Variants in CLSTN2 observed in about 807,000 individuals in gnomAD.
CLSTN2 encodes calsyntenin 2.
Under a neutral mutation model 101.2 loss-of-function variants are expected in CLSTN2, and 48 were observed. The observed-to-expected ratio is 0.47, with a 90% CI of 0.38 to 0.60. The LOEUF (loss-of-function observed/expected upper bound fraction) is 0.60. Ranked by LOEUF, CLSTN2 falls within the 20% of genes least tolerant of loss-of-function variation. CLSTN2 has a pLI of 0.00. For synonymous variants in CLSTN2, 481 were observed against 463.6 expected, an observed-to-expected ratio of 1.04 and a Z score of -0.48; for missense variants, 1,160 against 1,238.2, an observed-to-expected ratio of 0.94 and a Z score of 0.95.
At chr3:140,155,243 T>C (rs1458995023) in intron 1 of CLSTN2, among the ~76,000 whole-genome samples, 1 of 152,166 alleles carries the variant, frequency 6.6e-6, no homozygotes, top group African/African-American at 2.4e-5. Context: ...GGGAATGGAA[T>C]GTTGGCAGGT....
At chr3:140,114,246 C>A (rs1447012440) in intron 1 of CLSTN2, among the ~76,000 whole-genome samples, 1 of 152,144 alleles carries the variant, frequency 6.6e-6, no homozygotes, top group African/African-American at 2.4e-5. Flanking sequence ...TCATCATTCC[C>A]AGAATTTGTT....
At chr3:140,053,281 C>T (rs531261922) in intron 1 of CLSTN2, among the ~76,000 whole-genome samples, 1 of 152,324 alleles carries the variant, frequency 6.6e-6, no homozygotes, top group Non-Finnish European at 1.5e-5. Context: ...GCCCCTTCAG[C>T]CACCACCAGC....
chr3:140,489,286 C>T (rs1576595212), intron 8 of CLSTN2, among the ~76,000 whole-genome samples: 1 of 152,278 alleles, frequency 6.6e-6, no homozygotes, highest in Admixed American at 6.5e-5. Flanking sequence ...TAAGGATGCT[C>T]ACTCCATAAT....
intron 2 of CLSTN2, among the ~76,000 whole-genome samples, chr3:140,342,710 TA>T (rs149454017): frequency 0.015 from 2,287 of 152,248 alleles, 48 homozygotes; most frequent in African/African-American, 0.052. Flanking sequence ...ACACAAAGGC[TA>T]GGGGTAACCT....
At chr3:140,526,660 G>T (rs549952950) in intron 8 of CLSTN2, among the ~76,000 whole-genome samples, 1 of 149,260 alleles carries the variant, frequency 6.7e-6, no homozygotes, top group Non-Finnish European at 1.5e-5. Flanking sequence ...AAAACTGGAG[G>T]CATCACATTA....
intron 1 of CLSTN2, among the ~76,000 whole-genome samples, chr3:140,009,321 T>A (rs1002358308): frequency 6.6e-5 from 10 of 152,312 alleles, no homozygotes; most frequent in African/African-American, 1.4e-4. Flanking sequence ...TTTATTCCTG[T>A]TTATTGTGCA....
At chr3:140,070,653 T>C (rs1046862444) in intron 1 of CLSTN2, among the ~76,000 whole-genome samples, 1 of 152,198 alleles carries the variant, frequency 6.6e-6, no homozygotes, top group Non-Finnish European at 1.5e-5. Flanking sequence ...AACTATTACA[T>C]TGTAAGCAAT....
intron 9 of CLSTN2, among the ~76,000 whole-genome samples, chr3:140,535,097 A>G (rs1346579055): frequency 6.6e-6 from 1 of 152,212 alleles, no homozygotes; most frequent in Non-Finnish European, 1.5e-5. Flanking sequence ...TGCAACCACC[A>G]TGCCCTCCCC....
chr3:140,201,793 C>T (rs367912820), intron 2 of CLSTN2, among the ~76,000 whole-genome samples: 15 of 151,408 alleles, frequency 9.9e-5, no homozygotes, highest in East Asian at 3.9e-4. Context: ...ATTATATGCA[C>T]GCACACACAC....
chr3:140,511,792 C>G (rs958106136), intron 8 of CLSTN2, among the ~76,000 whole-genome samples: 63 of 151,232 alleles, frequency 4.2e-4, no homozygotes, highest in African/African-American at 1.5e-3. Context: ...CTCCTGACCT[C>G]GTGATCCGCC....
At chr3:140,339,766 A>G (rs933437677) in intron 2 of CLSTN2, among the ~76,000 whole-genome samples, 1 of 152,230 alleles carries the variant, frequency 6.6e-6, no homozygotes, top group African/African-American at 2.4e-5. Flanking sequence ...TACACATGAC[A>G]TGGTTAATGA....
At chr3:140,458,596 A>G (rs987867984) in intron 6 of CLSTN2, among the ~76,000 whole-genome samples, 14 of 152,094 alleles carry the variant, frequency 9.2e-5, no homozygotes, top group Non-Finnish European at 1.9e-4. Context: ...CCCCTCCACA[A>G]AGTTGGTGAT....
At chr3:140,176,657 C>T (rs1576456432) in intron 2 of CLSTN2, among the ~76,000 whole-genome samples, 1 of 152,166 alleles carries the variant, frequency 6.6e-6, no homozygotes, top group African/African-American at 2.4e-5. Context: ...GGACCCTCTT[C>T]GAGGGGTAGG....
chr3:140,492,883 G>GC (rs1266285516), intron 8 of CLSTN2, among the ~76,000 whole-genome samples: 19 of 152,082 alleles, frequency 1.2e-4, no homozygotes, highest in Non-Finnish European at 2.8e-4. Flanking sequence ...CAGACAAACT[G>GC]CCCCCGCAGG....
At chr3:139,976,157 A>C (rs1047722206) in intron 1 of CLSTN2, among the ~76,000 whole-genome samples, 1 of 152,320 alleles carries the variant, frequency 6.6e-6, no homozygotes, top group Admixed American at 6.5e-5. Context: ...CATAGCTGGC[A>C]GACTAGCCTG....
chr3:140,182,071 G>C (rs1341805970), intron 2 of CLSTN2, among the ~76,000 whole-genome samples: 1 of 152,162 alleles, frequency 6.6e-6, no homozygotes, highest in African/African-American at 2.4e-5. Context: ...AGCTTGGGAA[G>C]TTCAAGACAT....
chr3:140,468,139 A>G (rs2108022172), intron 8 of CLSTN2, among the ~76,000 whole-genome samples: 1 of 152,356 alleles, frequency 6.6e-6, no homozygotes, highest in South Asian at 2.1e-4. Flanking sequence ...TGAATCTGGC[A>G]GGAATTGTGA....
intron 2 of CLSTN2, among the ~76,000 whole-genome samples, chr3:140,185,048 C>A (rs1328180652): frequency 2.0e-5 from 3 of 152,114 alleles, no homozygotes; most frequent in African/African-American, 7.2e-5. Flanking sequence ...AAGAGTGATT[C>A]TGCTCCTTAA....
At chr3:140,229,961 G>A (rs2086356359) in intron 2 of CLSTN2, among the ~76,000 whole-genome samples, 1 of 151,970 alleles carries the variant, frequency 6.6e-6, no homozygotes, top group Non-Finnish European at 1.5e-5. Context: ...TTTTGGTTTT[G>A]AAGTACAACC....
Sources: allele counts gnomAD v4.1 joint callset (sites outside exome capture counted in the v4.1 genomes callset), GRCh38; gene constraint gnomAD v4.1.1; transcripts MANE v1.5; gene names NCBI Gene and HGNC (gene_info 2026-07-23, HGNC 2026-07-21).